The following PTPRD variants were observed in gnomAD, a reference collection of about 807,000 sequenced individuals.
PTPRD encodes the protein receptor-type tyrosine-protein phosphatase delta.
PTPRD carries 34 observed loss-of-function variants against 214.5 expected under a neutral mutation model. The observed-to-expected ratio is 0.16, with a 90% CI of 0.12 to 0.21. The LOEUF (loss-of-function observed/expected upper bound fraction) is 0.21, where lower values mean the gene tolerates loss of function less well. PTPRD is among the 10% of genes least tolerant of loss of function. PTPRD has a pLI of 1.00. For synonymous variants in PTPRD, 1,128 were observed against 845.7 expected (o/e 1.33, Z -5.79); for missense variants, 2,545 against 2,398.7 (o/e 1.06, Z -1.27).
chr9:9,547,796 TCACACACACACA>T (rs35772205), intron 8 of PTPRD, among the ~76,000 whole-genome samples: 1 of 142,370 alleles, frequency 7.0e-6, no homozygotes, highest in Non-Finnish European at 1.5e-5. Flanking sequence ...AAACACAAAT[TCACACACACACA>T]CACACACACA....
intron 7 of PTPRD, among the ~76,000 whole-genome samples, chr9:9,626,037 G>C (rs1203045778): frequency 6.6e-6 from 1 of 152,164 alleles, no homozygotes; most frequent in Non-Finnish European, 1.5e-5. Context: ...AAAGAGCATG[G>C]TTGAGTTACA....
chr9:10,091,092 C>T (rs138381644), intron 3 of PTPRD, among the ~76,000 whole-genome samples: 112 of 151,230 alleles, frequency 7.4e-4, no homozygotes, highest in Middle Eastern at 6.9e-3. Flanking sequence ...CAGAGCTTGA[C>T]TTCTTAACAG....
At chr9:9,910,150 T>C (rs573777480) in intron 5 of PTPRD, among the ~76,000 whole-genome samples, 2 of 151,960 alleles carry the variant, frequency 1.3e-5, no homozygotes, top group Non-Finnish European at 2.9e-5. Flanking sequence ...GTATCTCAGT[T>C]ACCAGGATTA....
chr9:8,743,706 A>T lies in PTPRD; in HGVS notation c.-103-9760T>A, dbSNP rs149439325. 3.5e-3 allele frequency among the ~76,000 whole-genome samples: 531 copies of T among 152,152 alleles called. 3 individuals carry two copies. Among genetic ancestry groups the T allele is most frequent in the African/African-American group, 0.012 (513 of 41,520 alleles). On this transcript the variant is annotated intron_variant, in intron 11 of 45. Coordinates refer to ENST00000381196, the MANE Select transcript of PTPRD (RefSeq NM_002839.4). The stretch of plus-strand genomic sequence containing the variant: ...CATCGGCTTAGGCAAAGACTTCATG[A>T]CCAAGAACCCAATAGCAAATGCAAC...
chr9:9,589,279 T>C (rs1383907895), intron 7 of PTPRD, among the ~76,000 whole-genome samples: 4 of 151,988 alleles, frequency 2.6e-5, no homozygotes, highest in Non-Finnish European at 5.9e-5. Flanking sequence ...AAGGATTTTA[T>C]ACATTTCCTA....
intron 4 of PTPRD, among the ~76,000 whole-genome samples, chr9:9,978,874 A>G (rs1025302115): frequency 9.2e-5 from 14 of 152,086 alleles, no homozygotes. Context: ...TCAGGTAGCC[A>G]GAGAAAAAAG....
At chr9:9,172,300 T>C (rs1305672350) in intron 10 of PTPRD, among the ~76,000 whole-genome samples, 1 of 152,176 alleles carries the variant, frequency 6.6e-6, no homozygotes, top group East Asian at 1.9e-4. Flanking sequence ...AGTGGCAAAA[T>C]GTACTTTCCC....
chr9:9,718,890 C>T (rs1248397111), intron 7 of PTPRD, among the ~76,000 whole-genome samples: 1 of 152,150 alleles, frequency 6.6e-6, no homozygotes, highest in African/African-American at 2.4e-5. Context: ...AGCCTGGACA[C>T]CATGGAGGGC....
chr9:8,633,167 C>T (rs2096307182), intron 14 of PTPRD, 150 bp downstream of exon 14: 2 of 939,658 alleles, frequency 2.1e-6, no homozygotes, highest in Non-Finnish European at 3.1e-6. Flanking sequence ...GAGAAGGTAT[C>T]CACTGTCTAA....
intron 11 of PTPRD, among the ~76,000 whole-genome samples, chr9:8,755,234 A>AAC (rs924315519): frequency 7.4e-5 from 10 of 134,516 alleles, no homozygotes; most frequent in African/African-American, 3.3e-4. Context: ...AAAAAAAAAC[A>AAC]AAAAAAACAA....
intron 3 of PTPRD, among the ~76,000 whole-genome samples, chr9:10,268,314 TAATAAC>T (rs925797608): frequency 8.7e-5 from 13 of 149,400 alleles, no homozygotes; most frequent in African/African-American, 2.9e-4. Context: ...ATAATAATAA[TAATAAC>T]GATAATAATA....
intron 11 of PTPRD, among the ~76,000 whole-genome samples, chr9:8,966,578 C>A (rs1013094916): frequency 6.6e-6 from 1 of 151,872 alleles, no homozygotes; most frequent in Admixed American, 6.6e-5. Flanking sequence ...TGAAACTAGA[C>A]CCCTATATAC....
intron 3 of PTPRD, among the ~76,000 whole-genome samples, chr9:10,164,939 A>G: frequency 6.6e-6 from 1 of 151,386 alleles, no homozygotes; most frequent in Non-Finnish European, 1.5e-5. Flanking sequence ...ATCTGAACTT[A>G]GAGCACTAGA....
chr9:8,760,642 G>A (rs1158952208), intron 11 of PTPRD, among the ~76,000 whole-genome samples: 2 of 151,632 alleles, frequency 1.3e-5, no homozygotes, highest in African/African-American at 4.8e-5. Context: ...GTGGGGGGAT[G>A]TATGCATGTT....
At position 9,286,119 on chromosome 9, in the gene PTPRD, T is replaced by C. The variant is rs114263932; in HGVS notation, c.-202-102756A>G. Among the ~76,000 whole-genome samples the C allele has an allele frequency of 6.9e-3, 1,050 of 151,952 alleles. 12 individuals are homozygous for C. Among genetic ancestry groups the C allele is most frequent in the African/African-American group, 0.024 (1,005 of 41,502 alleles). On this transcript the variant is annotated intron_variant, in intron 9 of 45. Transcript: ENST00000381196. ...GTAAATTCTTTTGTGACAACCCGGA[T>C]ATTCTATCCTCTTCTTTCTCCCACT...
intron 35 of PTPRD, among the ~76,000 whole-genome samples, chr9:8,429,309 G>C (rs2094895695): frequency 6.6e-6 from 1 of 152,100 alleles, no homozygotes; most frequent in South Asian, 2.1e-4. Context: ...CACATAGTAG[G>C]TGTGTGACCT....
intron 7 of PTPRD, among the ~76,000 whole-genome samples, chr9:9,704,571 A>T (rs2097563584): frequency 6.6e-6 from 1 of 152,180 alleles, no homozygotes; most frequent in Non-Finnish European, 1.5e-5. Flanking sequence ...ACTTATGTGA[A>T]CAACAACAAC....
chr9:8,811,648 G>C (rs1306418030), intron 11 of PTPRD, among the ~76,000 whole-genome samples: 2 of 151,488 alleles, frequency 1.3e-5, no homozygotes, highest in Non-Finnish European at 2.9e-5. Context: ...TTTCTGAAAG[G>C]CTATACTGCC....
chr9:9,092,166 C>T (rs1428357822), intron 10 of PTPRD, among the ~76,000 whole-genome samples: 1 of 152,102 alleles, frequency 6.6e-6, no homozygotes, highest in Admixed American at 6.5e-5. Context: ...TTCATGTTCT[C>T]TTCTTAGAAA....
Sources: allele counts gnomAD v4.1 joint callset (sites outside exome capture counted in the v4.1 genomes callset), GRCh38; gene constraint gnomAD v4.1.1; transcripts MANE v1.5; gene names NCBI Gene and HGNC (gene_info 2026-07-23, HGNC 2026-07-21).